Variants in BTBD8 observed in about 807,000 individuals in gnomAD.
BTBD8 encodes the protein BTB/POZ domain-containing protein 8.
BTBD8 carries 110 observed loss-of-function variants against 162.9 expected under a neutral mutation model. The ratio of observed to expected loss-of-function variants is 0.68; its 90% confidence interval spans 0.58 to 0.79. BTBD8 has a LOEUF of 0.79. BTBD8 is among the 30% of genes least tolerant of loss of function. BTBD8 has a pLI of 0.00. For missense variants in BTBD8, 1,905 were observed against 2,085.4 expected (o/e 0.91, Z 1.68); for synonymous variants, 667 against 716.1 (o/e 0.93, Z 1.10).
At chr1:92,157,789 G>A (rs563946464) in intron 9 of BTBD8, among the ~76,000 whole-genome samples, 250 of 152,210 alleles carry the variant, frequency 1.6e-3, no homozygotes, top group African/African-American at 5.7e-3. Flanking sequence ...TTACAGGCAC[G>A]AGCCACTGTG....
chr1:92,149,030 C>G (rs370846571), intron 9 of BTBD8, among the ~76,000 whole-genome samples: 21 of 152,166 alleles, frequency 1.4e-4, no homozygotes, highest in African/African-American at 5.1e-4. Context: ...AGATAAGAAA[C>G]TATGAACAGT....
intron 4 of BTBD8, among the ~76,000 whole-genome samples, chr1:92,123,705 A>T (rs1013484054): frequency 7.6e-6 from 1 of 131,228 alleles, no homozygotes; most frequent in Non-Finnish European, 1.5e-5. Context: ...TGAACCCGGG[A>T]GGTGGAGCTT....
intron 4 of BTBD8, among the ~76,000 whole-genome samples, chr1:92,121,841 A>ATT (rs558338492): frequency 7.2e-6 from 1 of 139,290 alleles, no homozygotes; most frequent in African/African-American, 2.6e-5. Flanking sequence ...TTATTTTTTT[A>ATT]TTTTTTTTTT....
intron 7 of BTBD8, among the ~76,000 whole-genome samples, chr1:92,144,743 T>G (rs971175752): frequency 6.6e-6 from 1 of 150,652 alleles, no homozygotes; most frequent in Non-Finnish European, 1.5e-5. Flanking sequence ...CCCAGGAATT[T>G]GAGGCTGCAG....
intron 3 of BTBD8, among the ~76,000 whole-genome samples, chr1:92,105,198 A>T (rs1015409101): frequency 6.6e-6 from 1 of 151,096 alleles, no homozygotes; most frequent in Non-Finnish European, 1.5e-5. Context: ...TGCCAGAGTG[A>T]TGGGATTACA....
intron 4 of BTBD8, among the ~76,000 whole-genome samples, chr1:92,122,345 G>A (rs1050337669): frequency 1.1e-4 from 17 of 150,676 alleles, no homozygotes; most frequent in East Asian, 4.0e-4. Context: ...TGCAACCTCC[G>A]CTTCCCAGGT....
chr1:92,149,128 T>C (rs752384315), intron 9 of BTBD8, among the ~76,000 whole-genome samples: 4 of 152,222 alleles, frequency 2.6e-5, no homozygotes, highest in Non-Finnish European at 4.4e-5. Context: ...TGAGGAGTTA[T>C]AGAAGTGAAC....
intron 2 of BTBD8, among the ~76,000 whole-genome samples, chr1:92,092,760 A>G (rs1318598794): frequency 6.6e-6 from 1 of 152,068 alleles, no homozygotes; most frequent in Non-Finnish European, 1.5e-5. Context: ...TCGGGTTTTT[A>G]TGTCCTTATG....
intron 2 of BTBD8, among the ~76,000 whole-genome samples, chr1:92,095,493 T>C (rs967471214): frequency 1.3e-5 from 2 of 152,196 alleles, no homozygotes; most frequent in African/African-American, 4.8e-5. Flanking sequence ...TCTGTTGGCC[T>C]CACTATACCT....
chr1:92,155,288 A>C (rs1333153303), intron 9 of BTBD8, among the ~76,000 whole-genome samples: 5 of 152,228 alleles, frequency 3.3e-5, no homozygotes, highest in Admixed American at 3.3e-4. Flanking sequence ...TATTTCTATA[A>C]AAAATGCAAT....
Position 92,177,223 on chromosome 1 carries a change from A to G in BTBD8, c.2030A>G (p.Asn677Ser). 6.4e-7 allele frequency: 1 copy of G among 1,552,076 alleles called. No individual in the cohort carries two copies. Among genetic ancestry groups the G allele is most frequent in the South Asian group, 1.2e-5 (1 of 84,068 alleles). Residue 677 changes from asparagine to serine, a missense_variant, in exon 14 of 18, where the codon AAT (asparagine) becomes AGT (serine). This residue lies in a region of BTBD8 where 1,374 missense variants were observed against 1,442.7 expected (regional missense o/e 0.95). Coordinates refer to ENST00000636805, the MANE Select transcript of BTBD8 (RefSeq NM_001376131.1). ...AAATGQKNLL[N>S]GKGVRNQEGQ... ...GCAACTGGACAGAAGAATTTACTAA[A>G]TGGAAAAGGAGTGAGAAATCAGGAA...
rs192522116 is a variant in BTBD8, at chr1:92,130,851, C to T, written c.752+1075C>T. Among the ~76,000 whole-genome samples, 1,418 of 152,092 alleles carry T rather than the reference C, an allele frequency of 9.3e-3. 17 individuals are homozygous for T. The highest frequency in any genetic ancestry group is 0.031 in the African/African-American group (1,304 of 41,486). On this transcript the variant is annotated intron_variant, in intron 5 of 17. Coordinates refer to ENST00000636805, the MANE Select transcript of BTBD8 (RefSeq NM_001376131.1). Reference sequence around the variant, plus strand: ...CTGAGTAGCTGGGATTACAGGCATGCGCCACCACGCCTGGCTAATTTTTGT... The same window carrying T: ...CTGAGTAGCTGGGATTACAGGCATGTGCCACCACGCCTGGCTAATTTTTGT...
chr1:92,115,222 C>G (rs1418823356), intron 4 of BTBD8: 1 of 494,488 alleles, frequency 2.0e-6, no homozygotes, highest in African/African-American at 2.0e-5. Context: ...GCCATCACAC[C>G]ACAGTTTCCC....
intron 1 of BTBD8, 90 bp downstream of exon 1, chr1:92,080,810 C>T: frequency 1.3e-6 from 2 of 1,520,486 alleles, no homozygotes; most frequent in East Asian, 2.5e-5. Flanking sequence ...CTGCCTCCCC[C>T]TCCCTCAGCA....
At position 92,159,158 on chromosome 1, in the gene BTBD8, T is replaced by TTTTC. The variant is rs375670159; in HGVS notation, c.1123-7784_1123-7781dup. On this transcript the variant is annotated intron_variant, in intron 9 of 17. Transcript: ENST00000636805. Reference sequence around the variant, plus strand: ...CTTCGTTTGTTTACATATATTTTTCTTTTCTTTCTTTCTTTCTTTTTTTTT... The same window carrying TTTTC: ...CTTCGTTTGTTTACATATATTTTTCTTTTCTTTCTTTCTTTCTTTCTTTTTTTTT... 1.8e-3 allele frequency among the ~76,000 whole-genome samples: 276 copies of TTTTC among 151,506 alleles called. 1 individual carries two copies. The highest frequency in any genetic ancestry group is 6.3e-3 in the African/African-American group (257 of 41,106).
At chr1:92,183,811 T>G in intron 17 of BTBD8, 53 bp from the exon 18 acceptor site, 3 of 1,212,356 alleles carry the variant, frequency 2.5e-6, no homozygotes, top group Non-Finnish European at 3.4e-6. Flanking sequence ...TACAAAACTC[T>G]GAGGGTACCA....
In BTBD8 at chr1:92,181,712, T is replaced by G; in HGVS notation, c.4029T>G (p.Pro1343=). Reference sequence around the variant, plus strand: ...ATTCAACGAGTGATGATGAAATCCCTAGGAAAAGGCCAGAAATTTGGTCTC... The same window carrying G: ...ATTCAACGAGTGATGATGAAATCCCGAGGAAAAGGCCAGAAATTTGGTCTC... ...QVNSTSDDEI[P]RKRPEIWSRS... The change falls in exon 17 of 18, where the codon CCT becomes CCG. Residue 1343 remains proline, a synonymous_variant. Transcript: ENST00000636805. The G allele has an allele frequency of 6.4e-7, 1 of 1,551,584 alleles. No homozygotes were observed. Among genetic ancestry groups the G allele is most frequent in the Non-Finnish European group, 8.7e-7 (1 of 1,146,952 alleles).
intron 9 of BTBD8, among the ~76,000 whole-genome samples, chr1:92,164,956 C>CT (rs1200327369): frequency 6.6e-6 from 1 of 151,608 alleles, no homozygotes; most frequent in Non-Finnish European, 1.5e-5. Flanking sequence ...CTGGCCAGTA[C>CT]TTTTTTTAAA....
At chr1:92,125,671 A>G (rs1164806113) in intron 4 of BTBD8, 1 of 350,542 alleles carries the variant, frequency 2.9e-6, no homozygotes, top group Non-Finnish European at 5.5e-6. Context: ...AGATTATAAG[A>G]TTATACCAAA....
Sources: allele counts gnomAD v4.1 joint callset (sites outside exome capture counted in the v4.1 genomes callset), GRCh38; gene constraint gnomAD v4.1.1; regional missense constraint gnomAD v4.1.1; transcripts MANE v1.5; gene names NCBI Gene and HGNC (gene_info 2026-07-23, HGNC 2026-07-21).